CRK: variants seen among roughly 807,000 people sequenced by gnomAD.
CRK encodes CRK proto-oncogene, adaptor protein.
Under a neutral mutation model 29.8 loss-of-function variants are expected in CRK, and 4 were observed. The observed-to-expected ratio is 0.13, with a 90% CI of 0.07 to 0.31. The LOEUF is 0.31. Among genes scored for constraint, CRK ranks in the 10% least tolerant of loss-of-function variants. The pLI is 1.00. For synonymous variants in CRK, 153 were observed against 164.9 expected (o/e 0.93, Z 0.55); for missense variants, 274 against 396.5 (o/e 0.69, Z 2.62).
At position 1,448,584 on chromosome 17, in the gene CRK, T is replaced by C. The variant is rs964094763; in HGVS notation, c.241+7293A>G. The stretch of plus-strand genomic sequence containing the variant: ...CTTGCAGTGAGCCGAGAATATGCCA[T>C]TGCACTCCAGCCTGGGTGAGAGCAA... On this transcript the variant is annotated intron_variant, in intron 1 of 2. Transcript: ENST00000300574. 5.6e-4 allele frequency among the ~76,000 whole-genome samples: 72 copies of C among 129,628 alleles called. 1 individual carries two copies. The highest frequency in any genetic ancestry group is 2.4e-3 in the South Asian group (10 of 4,228). The allele number at this position is 129,628 out of a possible 152,430, so 85.0% of individuals were successfully genotyped here. A position where few individuals can be genotyped will look rare whatever the true frequency, so the allele number is the denominator to read the frequency against.
At chr17:1,431,169 G>A (rs573074599) in intron 2 of CRK, among the ~76,000 whole-genome samples, 1 of 152,202 alleles carries the variant, frequency 6.6e-6, no homozygotes, top group Non-Finnish European at 1.5e-5. Flanking sequence ...AGGTCCCAAA[G>A]GCACTATGAT....
In CRK at chr17:1,455,980, G is replaced by A. The variant is rs377668612; in HGVS notation, c.138C>T (p.Asp46=). 3.7e-6 allele frequency: 6 copies of A among 1,601,808 alleles called. No homozygotes were observed. Among genetic ancestry groups the A allele is most frequent in the East Asian group, 4.6e-5 (2 of 43,428 alleles). ...LVRDSSTSPG[D]YVLSVSENSR... ...AGTTCTCTGAGACGCTGAGCACATA[G>A]TCCCCGGGGCTGGTGCTCGAGTCCC... The change falls in exon 1 of 3, where the codon GAC becomes GAT. Residue 46 remains aspartate (D), a synonymous_variant. Coordinates refer to ENST00000300574, the MANE Select transcript of CRK (RefSeq NM_016823.4).
chr17:1,427,729 A>G (rs2073795000), intron 2 of CRK, among the ~76,000 whole-genome samples: 1 of 151,792 alleles, frequency 6.6e-6, no homozygotes, highest in Non-Finnish European at 1.5e-5. Context: ...TGCCAGGTTC[A>G]AACAATTCTC....
At chr17:1,445,372 G>A (rs949847059) in intron 1 of CRK, among the ~76,000 whole-genome samples, 4 of 152,230 alleles carry the variant, frequency 2.6e-5, no homozygotes, top group African/African-American at 9.6e-5. Flanking sequence ...GAACAGCCCA[G>A]ACTCAGGAAT....
rs1042719379 is a variant in CRK, at chr17:1,423,433, G to A, written c.*80C>T. On this transcript the variant is annotated 3_prime_UTR_variant, in exon 3 of 3. Transcript: ENST00000300574. Reference sequence around the variant, plus strand: ...ATAAACTAGACTGCTTTTGACATCTGTAAGAAAATTGTATAGATGGCAGTT... The same window carrying A: ...ATAAACTAGACTGCTTTTGACATCTATAAGAAAATTGTATAGATGGCAGTT... 3 of 1,521,974 alleles carry A rather than the reference G, an allele frequency of 2.0e-6. No homozygotes were observed. Among genetic ancestry groups the A allele is most frequent in the East Asian group, 2.3e-5 (1 of 43,956 alleles). The allele number at this position is 1,521,974 out of a possible 1,614,324, so 94.3% of individuals were successfully genotyped here.
chr17:1,443,843 G>A (rs1335335788), intron 1 of CRK, among the ~76,000 whole-genome samples: 1 of 151,414 alleles, frequency 6.6e-6, no homozygotes, highest in Non-Finnish European at 1.5e-5. Flanking sequence ...GGGATTATAG[G>A]CACCCGCCAC....
chr17:1,427,072 A>AAAAAAAAAAAAAAAAAAAAAAAAAAG (rs778793991), intron 2 of CRK, among the ~76,000 whole-genome samples: 3 of 92,072 alleles, frequency 3.3e-5, no homozygotes, highest in Non-Finnish European at 6.3e-5. Flanking sequence ...AAAAAAAAAA[A>AAAAAAAAAAAAAAAAAAAAAAAAAAG]GATTCTGACA....
At chr17:1,446,793 C>T (rs937411810) in intron 1 of CRK, among the ~76,000 whole-genome samples, 1 of 151,590 alleles carries the variant, frequency 6.6e-6, no homozygotes, top group Non-Finnish European at 1.5e-5. Flanking sequence ...CGGGGTTTCA[C>T]CGTGTTAACC....
At chr17:1,448,271 G>A (rs1031275273) in intron 1 of CRK, among the ~76,000 whole-genome samples, 2 of 152,038 alleles carry the variant, frequency 1.3e-5, no homozygotes, top group Non-Finnish European at 1.5e-5. Flanking sequence ...TAACTTCTGT[G>A]TGCCTCACCC....
chr17:1,453,554 C>A (rs752705278), intron 1 of CRK, among the ~76,000 whole-genome samples: 2 of 152,142 alleles, frequency 1.3e-5, no homozygotes, highest in Non-Finnish European at 2.9e-5. Flanking sequence ...AAACAGGCCA[C>A]AATGAGAAAG....
chr17:1,440,298 C>CA (rs34474050), intron 1 of CRK, among the ~76,000 whole-genome samples: 6,109 of 107,018 alleles, frequency 0.057, 164 homozygotes, highest in African/African-American at 0.1. Context: ...GACTCTGTCT[C>CA]AAAAAAAAAA....
intron 1 of CRK, among the ~76,000 whole-genome samples, chr17:1,441,027 C>A (rs569336092): frequency 6.6e-6 from 1 of 152,236 alleles, no homozygotes; most frequent in African/African-American, 2.4e-5. Context: ...CCTCTACCTC[C>A]CAGGCTGAAG....
chr17:1,451,960 C>G (rs552318101), intron 1 of CRK, among the ~76,000 whole-genome samples: 1 of 152,238 alleles, frequency 6.6e-6, no homozygotes, highest in African/African-American at 2.4e-5. Flanking sequence ...ACTGTAGCAG[C>G]CCGGGGGGCA....
intron 1 of CRK, among the ~76,000 whole-genome samples, chr17:1,444,838 GAAA>G (rs71148484): frequency 2.4e-5 from 3 of 125,662 alleles, no homozygotes; most frequent in Non-Finnish European, 3.3e-5. Context: ...CATCTCAAAA[GAAA>G]AAAAAAAAAA....
intron 1 of CRK, among the ~76,000 whole-genome samples, chr17:1,451,974 G>T (rs2074021873): frequency 6.6e-6 from 1 of 152,130 alleles, no homozygotes; most frequent in Admixed American, 6.6e-5. Context: ...GGGGGCAAGA[G>T]CGAAACTCCA....
At chr17:1,429,521 A>C (rs2073816682) in intron 2 of CRK, among the ~76,000 whole-genome samples, 1 of 151,814 alleles carries the variant, frequency 6.6e-6, no homozygotes, top group Non-Finnish European at 1.5e-5. Context: ...TGATTTGCCC[A>C]ACTCGGCCTC....
chr17:1,451,527 C>T (rs1189872465), intron 1 of CRK, among the ~76,000 whole-genome samples: 5 of 152,002 alleles, frequency 3.3e-5, no homozygotes, highest in East Asian at 3.9e-4. Context: ...CCACTGCGCC[C>T]GGCCTCTTCT....
At chr17:1,454,235 A>T (rs905260559) in intron 1 of CRK, among the ~76,000 whole-genome samples, 3 of 151,206 alleles carry the variant, frequency 2.0e-5, no homozygotes, top group South Asian at 2.1e-4. Flanking sequence ...AATAAGAAAA[A>T]TTTTAAAAAA....
At chr17:1,432,476 T>TAAAAAAAA (rs59669841) in intron 2 of CRK, among the ~76,000 whole-genome samples, 2 of 100,958 alleles carry the variant, frequency 2.0e-5, no homozygotes, top group African/African-American at 8.4e-5. Context: ...GACCTTGTCT[T>TAAAAAAAA]AAAAAAAAAA....
Sources: gnomAD v4.1 joint callset for allele counts (sites outside exome capture counted in the v4.1 genomes callset) on GRCh38, gnomAD v4.1.1 for gene constraint, MANE v1.5 for transcripts, NCBI Gene and HGNC (gene_info 2026-07-23, HGNC 2026-07-21) for gene names.